Variants in GNA15 observed in about 807,000 individuals in gnomAD.
GNA15 encodes guanine nucleotide-binding protein subunit alpha-15.
Under a neutral mutation model 40.1 loss-of-function variants are expected in GNA15, and 23 were observed. That is an observed-to-expected ratio of 0.57 (90% CI 0.41 to 0.81). The LOEUF (loss-of-function observed/expected upper bound fraction) is 0.81. Among genes scored for constraint, GNA15 ranks in the 40% least tolerant of loss-of-function variants. GNA15 has a pLI of 0.00. For synonymous variants in GNA15, 226 were observed against 210.4 expected (o/e 1.07, Z -0.64); for missense variants, 522 against 515.8 (o/e 1.01, Z -0.12).
At chr19:3,148,229 C>T (rs866404471) in intron 1 of GNA15, among the ~76,000 whole-genome samples, 16 of 152,084 alleles carry the variant, frequency 1.1e-4, no homozygotes, top group African/African-American at 3.9e-4. Context: ...GCTGGGATTA[C>T]AGGCGTGAGC....
chr19:3,163,121 C>A lies in GNA15; in HGVS notation c.*102C>A. On this transcript the variant is annotated 3_prime_UTR_variant, in exon 7 of 7. Coordinates refer to ENST00000262958, the MANE Select transcript of GNA15 (RefSeq NM_002068.4). ...CTGGTCTATCTCTCCAGCCTCGGCC[C>A]ACACGCAAGGGAGTCGGGGGACGGA... 1 of 755,634 alleles carries A rather than the reference C, an allele frequency of 1.3e-6. No individual in the cohort carries two copies. The highest frequency in any genetic ancestry group is 2.3e-6 in the Non-Finnish European group (1 of 442,326). The allele number at this position is 755,634 out of a possible 1,614,324, so 46.8% of individuals were successfully genotyped here.
intron 2 of GNA15, chr19:3,149,224 T>C (rs1395141230): frequency 5.8e-6 from 1 of 172,374 alleles, no homozygotes; most frequent in East Asian, 1.7e-4. Flanking sequence ...AACACGCCCA[T>C]GCACGTGTAC....
Position 3,163,040 on chromosome 19 carries a change from G to T in GNA15, c.*21G>T. 5 of 1,528,440 alleles carry T rather than the reference G, an allele frequency of 3.3e-6. No homozygotes were observed. The highest frequency in any genetic ancestry group is 4.5e-6 in the Non-Finnish European group (5 of 1,103,068). The allele number at this position is 1,528,440 out of a possible 1,614,324, so 94.7% of individuals were successfully genotyped here. A position where few individuals can be genotyped will look rare whatever the true frequency, so the allele number is the denominator to read the frequency against. On this transcript the variant is annotated 3_prime_UTR_variant, in exon 7 of 7. Coordinates refer to ENST00000262958, the MANE Select transcript of GNA15 (RefSeq NM_002068.4). ...TGTGACCCAGGCCCCACCTGGGGCA[G>T]GCGGCACCGGCGGGCGGGTGGGAGG... is the stretch of plus-strand genomic sequence containing the variant.
chr19:3,162,528 A>G (rs1915161877), intron 6 of GNA15, among the ~76,000 whole-genome samples: 1 of 152,236 alleles, frequency 6.6e-6, no homozygotes, highest in Admixed American at 6.5e-5. Flanking sequence ...TCTCTTTAAC[A>G]CAGTTCTGCC....
chr19:3,162,034 AAATAAT>A (rs138333994), intron 6 of GNA15, among the ~76,000 whole-genome samples: 24 of 149,932 alleles, frequency 1.6e-4, no homozygotes, highest in South Asian at 2.1e-4. Context: ...CTCTGTCTCA[AAATAAT>A]AATAATAATA....
At chr19:3,138,266 CA>C (rs1026091965) in intron 1 of GNA15, among the ~76,000 whole-genome samples, 2,773 of 144,554 alleles carry the variant, frequency 0.019, 71 homozygotes, top group African/African-American at 0.064. Context: ...AACTCCGTCT[CA>C]AAAAAAAAAA....
chr19:3,157,696 G>A (rs1195580276), intron 5 of GNA15, 32 bp from the exon 6 acceptor site: 2 of 1,601,810 alleles, frequency 1.2e-6, no homozygotes, highest in African/African-American at 2.7e-5. Flanking sequence ...CTGGCTGGTT[G>A]AAGCACTAAC....
chr19:3,162,801 C>T lies in GNA15; in HGVS notation c.907C>T (p.Gln303Ter). 6.2e-7 allele frequency: 1 copy of T among 1,612,560 alleles called. No homozygotes were observed. The highest frequency in any genetic ancestry group is 1.1e-5 in the South Asian group (1 of 91,048). ...CCACACTGTTTCCCCAGGCCCTAAG[C>T]AGGATGCTGAGGCAGCCAAGAGGTT... ...TYFPSFQGPK[Q>*]DAEAAKRFIL... The change falls in exon 7 of 7, where the codon CAG (glutamine) becomes TAG (stop). Residue 303 changes from glutamine (Q) to a stop codon, truncating the protein, a stop_gained. Transcript: ENST00000262958. LOFTEE classifies it high-confidence loss of function.
Position 3,155,918 on chromosome 19 carries a change from A to C in GNA15, c.710A>C (p.Glu237Ala). The change falls in exon 5 of 7, where the codon GAA becomes GCA. Residue 237 changes from glutamate (E) to alanine (A), a missense_variant. By Grantham distance (107) the Glu-to-Ala change is moderately radical (BLOSUM62 -1). Coordinates refer to ENST00000262958, the MANE Select transcript of GNA15 (RefSeq NM_002068.4). This position sits in a 1 kb window ranked among gnomAD's most constrained non-coding sequence, Gnocchi z 5.6. Reference sequence around the variant, plus strand: ...CTCATCTACCTGGCCTCACTGAGTGAATACGACCAGTGCCTGGAGGAGAAC... The same window carrying C: ...CTCATCTACCTGGCCTCACTGAGTGCATACGACCAGTGCCTGGAGGAGAAC... Reference protein sequence around the residue: ...IALIYLASLSEYDQCLEENNQ... With the variant: ...IALIYLASLSAYDQCLEENNQ... 17 of 1,613,854 alleles carry C rather than the reference A, an allele frequency of 1.1e-5. No individual in the cohort carries two copies. The highest frequency in any genetic ancestry group is 1.4e-5 in the Non-Finnish European group (17 of 1,179,806).
At chr19:3,137,337 T>C (rs1334242743) in intron 1 of GNA15, among the ~76,000 whole-genome samples, 1 of 152,076 alleles carries the variant, frequency 6.6e-6, no homozygotes, top group Non-Finnish European at 1.5e-5. Flanking sequence ...GGAGTCGACG[T>C]CAGTAACGGT....
At position 3,145,359 on chromosome 19, in the gene GNA15, A is replaced by ATTTTT. The variant is rs71179976; in HGVS notation, c.146-3223_146-3219dup. ...TAAATATATATATATATATATATAT[A>ATTTTT]TTTTTTTTTTTTTGTAGAGATGGGG... is the stretch of plus-strand genomic sequence containing the variant. On this transcript the variant is annotated intron_variant, in intron 1 of 6. Coordinates refer to ENST00000262958, the MANE Select transcript of GNA15 (RefSeq NM_002068.4). 9.9e-3 allele frequency among the ~76,000 whole-genome samples: 467 copies of ATTTTT among 46,952 alleles called. 18 individuals are homozygous for ATTTTT. The highest frequency in any genetic ancestry group is 0.025 in the African/African-American group (269 of 10,908). 30.8% of individuals were successfully genotyped at this position (46,952 alleles called of 152,430 possible).
At chr19:3,150,928 A>G (rs1914867674) in intron 3 of GNA15, among the ~76,000 whole-genome samples, 2 of 141,622 alleles carry the variant, frequency 1.4e-5, no homozygotes, top group Non-Finnish European at 1.5e-5. Flanking sequence ...GGGAGACCCT[A>G]TTTCCTGGGG....
At chr19:3,156,195 C>T (rs1915010707) in intron 5 of GNA15, among the ~76,000 whole-genome samples, 1 of 78,326 alleles carries the variant, frequency 1.3e-5, no homozygotes, top group Non-Finnish European at 2.6e-5. Context: ...CACACACACA[C>T]ACACACACTA....
intron 1 of GNA15, chr19:3,142,091 C>A (rs937074592): frequency 1.3e-5 from 2 of 152,404 alleles, no homozygotes; most frequent in Admixed American, 6.5e-5. Flanking sequence ...CTTGTGATGA[C>A]TGGGGCTTGG....
rs964868296 is a variant in GNA15 at position 3,136,427 on chromosome 19, G to A, written c.-24G>A. 6.3e-5 allele frequency: 98 copies of A among 1,545,764 alleles called. No individual in the cohort carries two copies. The highest frequency in any genetic ancestry group is 2.9e-4 in the Admixed American group (15 of 50,852). Reference sequence around the variant, plus strand: ...CAGGGGCCCGGGGGCGATGCCACCCGGTGCCGACTGAGGCCACCGCACCAT... The same window carrying A: ...CAGGGGCCCGGGGGCGATGCCACCCAGTGCCGACTGAGGCCACCGCACCAT... On this transcript the variant is annotated 5_prime_UTR_variant, in exon 1 of 7. Transcript: ENST00000262958. The surrounding 1 kb of genome is among the most constrained non-coding windows in gnomAD (Gnocchi z 4.9).
intron 1 of GNA15, among the ~76,000 whole-genome samples, chr19:3,140,417 C>T (rs555617930): frequency 5.9e-5 from 9 of 152,206 alleles, no homozygotes; most frequent in African/African-American, 1.4e-4. Flanking sequence ...GCTCTTTCCT[C>T]GAATACCTCA....
chr19:3,163,046 A>G lies in GNA15; in HGVS notation c.*27A>G. On this transcript the variant is annotated 3_prime_UTR_variant, in exon 7 of 7. Transcript: ENST00000262958. ...CCAGGCCCCACCTGGGGCAGGCGGCACCGGCGGGCGGGTGGGAGGTGGGAG... is the reference window on the plus strand; with the variant it reads ...CCAGGCCCCACCTGGGGCAGGCGGCGCCGGCGGGCGGGTGGGAGGTGGGAG... 1 of 1,516,502 alleles carries G rather than the reference A, an allele frequency of 6.6e-7. No homozygotes were observed. Among genetic ancestry groups the G allele is most frequent in the Non-Finnish European group, 9.2e-7 (1 of 1,092,520 alleles). 93.9% of individuals were successfully genotyped at this position (1,516,502 alleles called of 1,614,324 possible).
At chr19:3,141,364 C>A (rs1049749921) in intron 1 of GNA15, among the ~76,000 whole-genome samples, 4 of 152,038 alleles carry the variant, frequency 2.6e-5, no homozygotes, top group African/African-American at 9.7e-5. Context: ...GTGAAAGGGA[C>A]CAGTTATGTC....
chr19:3,159,025 T>G (rs1915088819), intron 6 of GNA15, among the ~76,000 whole-genome samples: 1 of 152,022 alleles, frequency 6.6e-6, no homozygotes, highest in African/African-American at 2.4e-5. Flanking sequence ...TTCTTTAATT[T>G]TTTTTTGTTT....
Sources: allele counts gnomAD v4.1 joint callset (sites outside exome capture counted in the v4.1 genomes callset), GRCh38; gene constraint gnomAD v4.1.1; non-coding constraint Gnocchi (gnomAD v3.1); transcripts MANE v1.5; gene names NCBI Gene and HGNC (gene_info 2026-07-23, HGNC 2026-07-21).